FREM2: variants seen among roughly 807,000 people sequenced by gnomAD.
FREM2 encodes FRAS1 related extracellular matrix 2.
Under a neutral mutation model 219.9 loss-of-function variants are expected in FREM2, and 119 were observed. The ratio of observed to expected loss-of-function variants is 0.54; its 90% CI spans 0.47 to 0.63. FREM2 has a LOEUF of 0.63. Ranked by LOEUF, FREM2 falls within the 30% of genes least tolerant of loss-of-function variation. The pLI is 0.00. For missense variants in FREM2, 4,030 were observed against 3,993.6 expected (o/e 1.01, Z -0.25); for synonymous variants, 1,562 against 1,522.8 (o/e 1.03, Z -0.60).
intron 2 of FREM2, among the ~76,000 whole-genome samples, chr13:38,753,437 T>C (rs1380453641): frequency 6.6e-6 from 1 of 152,194 alleles, no homozygotes; most frequent in African/African-American, 2.4e-5. Flanking sequence ...TTCTGAATCT[T>C]AGTGAAATGG....
At chr13:38,823,556 C>G (rs1196962003) in intron 6 of FREM2, among the ~76,000 whole-genome samples, 1 of 152,000 alleles carries the variant, frequency 6.6e-6, no homozygotes, top group African/African-American at 2.4e-5. Context: ...ATGAGGCTGT[C>G]TACTTATCTT....
Position 38,691,148 on chromosome 13 carries a change from T to A in FREM2, c.3804T>A (p.Asp1268Glu), listed in dbSNP as rs372230460. Reference protein sequence around the residue: ...IESSSIIYEHDDSETQEDSFV... With the variant: ...IESSSIIYEHEDSETQEDSFV... ...GTTCCAGCATTATTTATGAGCATGA[T>A]GACTCCGAGACCCAGGAAGACAGTT... is the stretch of plus-strand genomic sequence containing the variant. Residue 1268 changes from aspartate to glutamate, a missense_variant, in exon 1 of 24, where the codon GAT becomes GAA. Physicochemically the swap from Asp to Glu is conservative, Grantham distance 45. Around this residue, in one of 2 missense-constraint regions of FREM2, gnomAD observed 3,102 missense variants for 2,950.7 expected, o/e 1.05. Transcript: ENST00000280481. 6.2e-7 allele frequency: 1 copy of A among 1,614,124 alleles called. No homozygotes were observed. The highest frequency in any genetic ancestry group is 1.3e-5 in the African/African-American group (1 of 75,024).
In FREM2 at chr13:38,885,517, T is replaced by G. The variant is rs1323387017; in HGVS notation, c.*4730T>G. On this transcript the variant is annotated 3_prime_UTR_variant, in exon 24 of 24. Transcript: ENST00000280481. ...CTTTTTTTCTTTCTTTCTTTTAATT[T>G]GTTGAACTATAGGTTTCTTTCTGAG... 1 of 152,300 alleles carries G rather than the reference T, an allele frequency of 6.6e-6. No homozygotes were observed. Among genetic ancestry groups the G allele is most frequent in the East Asian group, 1.9e-4 (1 of 5,190 alleles). 9.4% of individuals were successfully genotyped at this position (152,300 alleles called of 1,614,324 possible).
chr13:38,709,960 C>T (rs1026613285), intron 2 of FREM2, among the ~76,000 whole-genome samples: 4 of 149,630 alleles, frequency 2.7e-5, no homozygotes, highest in African/African-American at 9.8e-5. Context: ...CCTGGCCAAA[C>T]GGTGAAAAAT....
intron 6 of FREM2, among the ~76,000 whole-genome samples, chr13:38,812,727 A>G (rs1875541473): frequency 6.6e-6 from 1 of 152,026 alleles, no homozygotes; most frequent in East Asian, 1.9e-4. Flanking sequence ...CAATAAAACT[A>G]CAAAGATTAG....
At chr13:38,754,025 C>T (rs938621624) in intron 2 of FREM2, among the ~76,000 whole-genome samples, 93 of 145,470 alleles carry the variant, frequency 6.4e-4, no homozygotes, top group African/African-American at 2.2e-3. Flanking sequence ...GGGGGCTGTG[C>T]TTAGAGAAAT....
At position 38,851,775 on chromosome 13, in the gene FREM2, C is replaced by T. The variant is rs375661157; in HGVS notation, c.6832C>T (p.Arg2278Cys). The T allele has an allele frequency of 2.5e-6, 4 of 1,613,562 alleles. No individual in the cohort carries two copies. The highest frequency in any genetic ancestry group is 2.7e-5 in the African/African-American group (2 of 74,880). The change falls in exon 11 of 24, where the codon CGC (arginine) becomes TGC (cysteine). Residue 2278 changes from arginine to cysteine, a missense_variant. By Grantham distance (180) the Arg-to-Cys change is radical. Transcript: ENST00000280481. ...GGTGGTTATAAGAATTCCAGTGATT[C>T]GCCAAGGAGACACTTCAAAGGTTTC... ...ESVVIRIPVI[R>C]QGDTSKVSIV... is the part of the protein sequence containing the mutation.
At position 38,691,131 on chromosome 13, in the gene FREM2, ATTAT is replaced by A. The variant is rs1566105355; in HGVS notation, c.3792_3795del (p.Ile1264MetfsTer14). 6.2e-7 allele frequency: 1 copy of A among 1,614,096 alleles called. No individual in the cohort carries two copies. The highest frequency in any genetic ancestry group is 1.7e-5 in the Admixed American group (1 of 60,020). On this transcript the variant is annotated frameshift_variant, in exon 1 of 24. Transcript: ENST00000280481. LOFTEE classifies it high-confidence loss of function. ...GGATCAGATCATAGAGAGTTCCAGC[ATTAT>A]TTATGAGCATGATGACTCCGAGACC...
At chr13:38,872,354 A>G (rs917335064) in intron 16 of FREM2, among the ~76,000 whole-genome samples, 18 of 152,284 alleles carry the variant, frequency 1.2e-4, no homozygotes, top group African/African-American at 4.1e-4. Flanking sequence ...AAATCTTCTA[A>G]AATTGATTGT....
At chr13:38,709,217 A>T (rs974246209) in intron 2 of FREM2, among the ~76,000 whole-genome samples, 6 of 151,942 alleles carry the variant, frequency 3.9e-5, no homozygotes, top group Non-Finnish European at 4.4e-5. Context: ...TCCCCTGCCC[A>T]CTTCCTCTGC....
In FREM2 at chr13:38,697,697, G is replaced by A; in HGVS notation, c.5174-1G>A. On this transcript the variant is annotated splice_acceptor_variant, in intron 1 of 23. Transcript: ENST00000280481. LOFTEE classifies it high-confidence loss of function. ...CATCTTGTTTTTTGGTTATTTTCTA[G>A]CTGACATTGATGACATGAAAATATG... 6.4e-7 allele frequency: 1 copy of A among 1,557,456 alleles called. No individual in the cohort carries two copies. Among genetic ancestry groups the A allele is most frequent in the South Asian group, 1.1e-5 (1 of 89,944 alleles).
Position 38,690,588 on chromosome 13 carries a change from A to G in FREM2, c.3244A>G (p.Lys1082Glu), listed in dbSNP as rs764411849. Residue 1082 changes from lysine to glutamate, a missense_variant, in exon 1 of 24, where the codon AAA (lysine) becomes GAA (glutamate). This residue lies in a region of FREM2 where 3,102 missense variants were observed against 2,950.7 expected (regional missense o/e 1.05). Coordinates refer to ENST00000280481, the MANE Select transcript of FREM2 (RefSeq NM_207361.6). ...ACAGTTGATAGTAATGGAAGGTGAT[A>G]AAAGTGTTATAACATCAGTGCATAT... is the stretch of plus-strand genomic sequence containing the variant. ...GEQLIVMEGD[K>E]SVITSVHISA... 3 of 1,614,114 alleles carry G rather than the reference A, an allele frequency of 1.9e-6. No homozygotes were observed. The highest frequency in any genetic ancestry group is 1.7e-5 in the Admixed American group (1 of 60,032).
chr13:38,856,443 G>A (rs893046853), intron 12 of FREM2, among the ~76,000 whole-genome samples, 187 bp downstream of exon 12: 6 of 152,070 alleles, frequency 3.9e-5, no homozygotes, highest in African/African-American at 1.4e-4. Flanking sequence ...CAAGAAATGT[G>A]CATCTTTTTC....
In FREM2 at chr13:38,764,456, T is replaced by C; in HGVS notation, c.5410+6T>C. 2 of 1,456,320 alleles carry C rather than the reference T, an allele frequency of 1.4e-6. No homozygotes were observed. The highest frequency in any genetic ancestry group is 9.5e-7 in the Non-Finnish European group (1 of 1,052,560). The allele number at this position is 1,456,320 out of a possible 1,614,324, so 90.2% of individuals were successfully genotyped here. A position where few individuals can be genotyped will look rare whatever the true frequency, so the allele number is the denominator to read the frequency against. ...GGGAGAAACTTCTTTTATAAGTAAG[T>C]TTAATTTTTTATTTCTGTTTTAAAA... On this transcript the variant is annotated splice_donor_region_variant and intron_variant, in intron 3 of 23. Coordinates refer to ENST00000280481, the MANE Select transcript of FREM2 (RefSeq NM_207361.6).
intron 2 of FREM2, among the ~76,000 whole-genome samples, chr13:38,734,895 C>T (rs1871923529): frequency 6.6e-6 from 1 of 151,944 alleles, no homozygotes. Context: ...TACAGGCCTG[C>T]ACCACCACGC....
In FREM2 at chr13:38,851,119, T is replaced by G. The variant is rs1877355537; in HGVS notation, c.6742+11T>G. 2 of 1,611,630 alleles carry G rather than the reference T, an allele frequency of 1.2e-6. No individual in the cohort carries two copies. The highest frequency in any genetic ancestry group is 3.3e-5 in the Admixed American group (2 of 60,000). ...GAGATGATGCTGATAGTAAGAAATC[T>G]TTTTTTGTTTGTTCAACTGTAAATT... On this transcript the variant is annotated intron_variant, in intron 10 of 23. Transcript: ENST00000280481.
intron 17 of FREM2, among the ~76,000 whole-genome samples, chr13:38,874,212 G>T (rs552313945): frequency 2.2e-4 from 34 of 152,034 alleles, no homozygotes; most frequent in Non-Finnish European, 4.4e-4. Context: ...TATAAACTCA[G>T]ATTTTAAAAA....
chr13:38,804,389 CAA>C (rs1200634913), intron 6 of FREM2, among the ~76,000 whole-genome samples: 5 of 150,894 alleles, frequency 3.3e-5, no homozygotes, highest in African/African-American at 9.8e-5. Context: ...CAAAATAAAT[CAA>C]ACAGTATGTA....
In FREM2 at chr13:38,712,991, C is replaced by T. The variant is rs559141383; in HGVS notation, c.5263+15204C>T. On this transcript the variant is annotated intron_variant, in intron 2 of 23. Transcript: ENST00000280481. Reference sequence around the variant, plus strand: ...TCAACCATCTAAACATCTTTTAATTCTCCTCCCCCATCCTCTGTCCAAATA... The same window carrying T: ...TCAACCATCTAAACATCTTTTAATTTTCCTCCCCCATCCTCTGTCCAAATA... Among the ~76,000 whole-genome samples the T allele has an allele frequency of 3.8e-3, 576 of 152,194 alleles. 4 individuals are homozygous for T. The highest frequency in any genetic ancestry group is 6.4e-3 in the Non-Finnish European group (434 of 68,024).
Sources: gnomAD v4.1 joint callset for allele counts (sites outside exome capture counted in the v4.1 genomes callset) on GRCh38, gnomAD v4.1.1 for gene constraint, gnomAD v4.1.1 regional missense constraint, MANE v1.5 for transcripts, NCBI Gene and HGNC (gene_info 2026-07-23, HGNC 2026-07-21) for gene names.